PCDHGA9: variants seen among roughly 807,000 people sequenced by gnomAD.
PCDHGA9 encodes the protein protocadherin gamma-A9.
In PCDHGA9, 37 loss-of-function variants were observed where a neutral mutation model predicts 62.5. The observed-to-expected ratio is 0.59, with a 90% confidence interval of 0.46 to 0.78. PCDHGA9 has a LOEUF of 0.78. PCDHGA9 is among the 30% of genes least tolerant of loss of function. PCDHGA9 has a pLI of 0.00. For missense variants in PCDHGA9, 1,138 were observed against 1,166.2 expected (o/e 0.98, Z 0.35); for synonymous variants, 459 against 484.6 (o/e 0.95, Z 0.69).
In PCDHGA9 at chr5:141,478,301, G is replaced by C. The variant is rs778427815; in HGVS notation, c.2425-16506G>C. ...GAAGCAGTCTAGAGACCTATACCGA[G>C]CCCCGGTGAGCTCACTGTACCGAAC... On this transcript the variant is annotated intron_variant, in intron 1 of 3. Coordinates refer to ENST00000573521, the MANE Select transcript of PCDHGA9 (RefSeq NM_018921.3). 2.5e-6 allele frequency: 4 copies of C among 1,614,074 alleles called. No individual in the cohort carries two copies. In the South Asian group the frequency reaches 4.4e-5, roughly 18 times the overall value.
chr5:141,483,870 G>C (rs548525439), intron 1 of PCDHGA9, among the ~76,000 whole-genome samples: 9 of 152,142 alleles, frequency 5.9e-5, no homozygotes, highest in Non-Finnish European at 1.3e-4. Context: ...TCCAGATCAG[G>C]ATGGATTTTT....
chr5:141,414,801 G>A, intron 1 of PCDHGA9: 2 of 1,614,218 alleles, frequency 1.2e-6, no homozygotes, highest in Non-Finnish European at 1.7e-6. Flanking sequence ...GCGACAGCGG[G>A]GATCCTCCAC....
At chr5:141,443,109 C>A (rs373919534) in intron 1 of PCDHGA9, among the ~76,000 whole-genome samples, 2 of 152,100 alleles carry the variant, frequency 1.3e-5, no homozygotes, top group South Asian at 2.1e-4. Flanking sequence ...CTGAACCTTG[C>A]TTTTCAAACC....
intron 1 of PCDHGA9, among the ~76,000 whole-genome samples, chr5:141,464,964 A>G (rs1433148254): frequency 6.6e-6 from 1 of 152,030 alleles, no homozygotes; most frequent in Non-Finnish European, 1.5e-5. Flanking sequence ...CTTGTCTTGA[A>G]CTACTGGCTT....
intron 1 of PCDHGA9, among the ~76,000 whole-genome samples, chr5:141,460,889 G>A (rs901987902): frequency 3.3e-5 from 5 of 150,280 alleles, no homozygotes; most frequent in East Asian, 3.9e-4. Flanking sequence ...ATGCCTTTTC[G>A]TGGCTGAGTA....
chr5:141,488,751 C>T (rs1185515068), intron 1 of PCDHGA9, among the ~76,000 whole-genome samples: 1 of 152,154 alleles, frequency 6.6e-6, no homozygotes, highest in Non-Finnish European at 1.5e-5. Context: ...CAGGAAGTTG[C>T]TGGGACAGAA....
chr5:141,473,944 C>T (rs1279694347), intron 1 of PCDHGA9, among the ~76,000 whole-genome samples: 1 of 152,156 alleles, frequency 6.6e-6, no homozygotes, highest in Non-Finnish European at 1.5e-5. Context: ...TAGCTCAGGC[C>T]TGTAGTCCCA....
chr5:141,455,343 G>A (rs1462807460), intron 1 of PCDHGA9, among the ~76,000 whole-genome samples: 1 of 152,036 alleles, frequency 6.6e-6, no homozygotes, highest in African/African-American at 2.4e-5. Flanking sequence ...TTTAAGGAGC[G>A]GAGAGTTTAA....
chr5:141,468,093 G>C (rs1319825848), intron 1 of PCDHGA9, among the ~76,000 whole-genome samples: 2 of 152,112 alleles, frequency 1.3e-5, no homozygotes, highest in Non-Finnish European at 2.9e-5. Flanking sequence ...GGGAGGTTGA[G>C]GCAGGCAGAT....
chr5:141,418,523 C>T (rs2096266495), intron 1 of PCDHGA9: 1 of 1,613,958 alleles, frequency 6.2e-7, no homozygotes, highest in Non-Finnish European at 8.5e-7. Context: ...GGACCCTCCC[C>T]GAAGCGGTAC....
intron 1 of PCDHGA9, chr5:141,409,184 T>G: frequency 6.2e-7 from 1 of 1,614,044 alleles, no homozygotes; most frequent in East Asian, 2.2e-5. Context: ...AGGTGGTCTC[T>G]CTACCCAGTG....
At chr5:141,460,864 A>C (rs1220160866) in intron 1 of PCDHGA9, among the ~76,000 whole-genome samples, 1 of 151,800 alleles carries the variant, frequency 6.6e-6, no homozygotes, top group East Asian at 1.9e-4. Flanking sequence ...AAGTTGCTGC[A>C]AAGGACATTA....
Position 141,491,889 on chromosome 5 carries a change from C to T in PCDHGA9, c.2425-2918C>T, listed in dbSNP as rs2099734763. On this transcript the variant is annotated intron_variant, in intron 1 of 3. Transcript: ENST00000573521. The surrounding 1 kb of genome is among the most constrained non-coding windows in gnomAD (Gnocchi z 6.9). ...GAGTGGCCGATTAAGGGATGGGGCT[C>T]CGAGCACCGGGGGTGGTGGCGACTG... 11 of 1,441,360 alleles carry T rather than the reference C, an allele frequency of 7.6e-6. No individual in the cohort carries two copies. Among genetic ancestry groups the T allele is most frequent in the Non-Finnish European group, 1.0e-5 (11 of 1,090,600 alleles). 89.3% of individuals were successfully genotyped at this position (1,441,360 alleles called of 1,614,324 possible).
chr5:141,435,260 T>C (rs1591368331), intron 1 of PCDHGA9, among the ~76,000 whole-genome samples: 1 of 152,236 alleles, frequency 6.6e-6, no homozygotes, highest in African/African-American at 2.4e-5. Context: ...TAGGGATATG[T>C]CCATTTATAC....
rs765353257 is a variant in PCDHGA9 at position 141,431,824 on chromosome 5, G to A, written c.2424+26448G>A. On this transcript the variant is annotated intron_variant, in intron 1 of 3. Coordinates refer to ENST00000573521, the MANE Select transcript of PCDHGA9 (RefSeq NM_018921.3). The surrounding 1 kb of genome is among the most constrained non-coding windows in gnomAD (Gnocchi z 4.8). ...TGGTCCTCACCTCTCTCGCCAGCTC[G>A]GTTCCCGAAAACTCTCCCAGAGGGA... is the stretch of plus-strand genomic sequence containing the variant. The A allele has an allele frequency of 1.3e-5, 21 of 1,614,092 alleles. No homozygotes were observed. In the South Asian group the frequency reaches 2.1e-4, roughly 16 times the overall value.
chr5:141,459,068 A>G (rs1278498678), intron 1 of PCDHGA9, among the ~76,000 whole-genome samples: 1 of 152,226 alleles, frequency 6.6e-6, no homozygotes, highest in African/African-American at 2.4e-5. Flanking sequence ...TATATAACAT[A>G]AAATTTGCCT....
intron 1 of PCDHGA9, among the ~76,000 whole-genome samples, chr5:141,466,554 G>A (rs2099125028): frequency 6.6e-6 from 1 of 152,068 alleles, no homozygotes. Flanking sequence ...TTTGCTGTGG[G>A]CTTCATCTTC....
rs10040701 is a variant in PCDHGA9 at position 141,508,490 on chromosome 5, A to G, written c.2573-2457A>G. ...TCTTTCTTTTACATTCTGGATTTCC[A>G]TATCTTCTCTCCCTCCTGGTCCAGC... On this transcript the variant is annotated intron_variant, in intron 3 of 3. Transcript: ENST00000573521. Among the ~76,000 whole-genome samples, 377 of 152,202 alleles carry G rather than the reference A, an allele frequency of 2.5e-3. 1 individual carries two copies. The highest frequency in any genetic ancestry group is 8.6e-3 in the African/African-American group (358 of 41,530).
chr5:141,503,213 A>G (rs1368413073), intron 2 of PCDHGA9, among the ~76,000 whole-genome samples: 1 of 152,100 alleles, frequency 6.6e-6, no homozygotes, highest in Non-Finnish European at 1.5e-5. Flanking sequence ...AGTGCCCACC[A>G]TGAGCACCGT....
Sources: allele counts gnomAD v4.1 joint callset (sites outside exome capture counted in the v4.1 genomes callset), GRCh38; gene constraint gnomAD v4.1.1; non-coding constraint Gnocchi (gnomAD v3.1); transcripts MANE v1.5; gene names NCBI Gene and HGNC (gene_info 2026-07-23, HGNC 2026-07-21).